PIK3C2G: variants seen among roughly 807,000 people sequenced by gnomAD.
PIK3C2G encodes phosphatidylinositol 3-kinase C2 domain-containing subunit gamma.
PIK3C2G carries 168 observed loss-of-function variants against 181.1 expected under a neutral mutation model. That is an observed-to-expected ratio of 0.93 (90% CI 0.82 to 1.05). The LOEUF (loss-of-function observed/expected upper bound fraction) is 1.05. Ranked by LOEUF, PIK3C2G falls within the 50% of genes least tolerant of loss-of-function variation. The probability of loss-of-function intolerance (pLI) is 0.00; values close to 1 mark genes in which losing one functional copy is unlikely to be tolerated. For synonymous variants in PIK3C2G, 573 were observed against 592.2 expected, an observed-to-expected ratio of 0.97 and a Z score of 0.47; for missense variants, 1,869 against 1,732.8, an observed-to-expected ratio of 1.08 and a Z score of -1.40.
At position 18,451,956 on chromosome 12, in the gene PIK3C2G, T is replaced by G. The variant is rs1271745782; in HGVS notation, c.2504+27917T>G. Among the ~76,000 whole-genome samples the G allele has an allele frequency of 2.0e-5, 3 of 152,362 alleles. No homozygotes were observed. In the East Asian group the frequency reaches 5.8e-4, roughly 29 times the overall value. On this transcript the variant is annotated intron_variant, in intron 18 of 32. Transcript: ENST00000538779. Reference sequence around the variant, plus strand: ...GTAGTGGATAAGCTTTTTGATGTGCTGCTGGATTTGGTTTGCCAGTATTCT... The same window carrying G: ...GTAGTGGATAAGCTTTTTGATGTGCGGCTGGATTTGGTTTGCCAGTATTCT...
At chr12:18,607,394 C>T (rs934418153) in intron 30 of PIK3C2G, among the ~76,000 whole-genome samples, 32 of 152,110 alleles carry the variant, frequency 2.1e-4, no homozygotes, top group Non-Finnish European at 2.1e-4. Context: ...GAAATAATGC[C>T]GCTTATCTAC....
At chr12:18,421,575 C>T (rs962141051) in intron 17 of PIK3C2G, among the ~76,000 whole-genome samples, 2 of 151,876 alleles carry the variant, frequency 1.3e-5, no homozygotes, top group African/African-American at 4.8e-5. Flanking sequence ...CTGATTTAGT[C>T]TGAATACGAT....
chr12:18,356,958 G>A (rs1940797679), intron 11 of PIK3C2G, among the ~76,000 whole-genome samples: 1 of 152,080 alleles, frequency 6.6e-6, no homozygotes, highest in Non-Finnish European at 1.5e-5. Context: ...GCCCAGGCTT[G>A]AGGGTGAGGC....
chr12:18,612,367 C>T (rs893836269), intron 31 of PIK3C2G, among the ~76,000 whole-genome samples: 5 of 152,080 alleles, frequency 3.3e-5, no homozygotes, highest in Admixed American at 6.6e-5. Flanking sequence ...TCACTTTTAA[C>T]CTTTCTTTTC....
At chr12:18,545,823 T>C (rs1430009617) in intron 25 of PIK3C2G, among the ~76,000 whole-genome samples, 5 of 151,976 alleles carry the variant, frequency 3.3e-5, no homozygotes, top group African/African-American at 4.8e-5. Flanking sequence ...CCTGGACATA[T>C]CACTTACAGT....
chr12:18,245,273 C>A (rs182413260), upstream of PIK3C2G, among the ~76,000 whole-genome samples: 171 of 152,132 alleles, frequency 1.1e-3, no homozygotes, highest in African/African-American at 4.0e-3. Flanking sequence ...CTCTCATTTC[C>A]AGTGAATTCC....
chr12:18,282,177 T>G lies in PIK3C2G; in HGVS notation c.96T>G (p.Ser32=), dbSNP rs1191701345. Reference sequence around the variant, plus strand: ...TTCTCTTTGTAAATCAACCCCATTCTTCTAGCCAAGTCAGTCTGGGTTTTG... The same window carrying G: ...TTCTCTTTGTAAATCAACCCCATTCGTCTAGCCAAGTCAGTCTGGGTTTTG... ...QEFLFVNQPH[S]SSQVSLGFDQ... is the part of the protein sequence containing the mutation. Residue 32 remains serine, a synonymous_variant, in exon 2 of 33, where the codon TCT becomes TCG. Coordinates refer to ENST00000538779, the MANE Select transcript of PIK3C2G (RefSeq NM_001288772.2). 1 of 1,612,456 alleles carries G rather than the reference T, an allele frequency of 6.2e-7. No homozygotes were observed. The highest frequency in any genetic ancestry group is 2.2e-5 in the East Asian group (1 of 44,812).
intron 1 of PIK3C2G, among the ~76,000 whole-genome samples, chr12:18,252,585 G>A: frequency 6.6e-6 from 1 of 152,174 alleles, no homozygotes; most frequent in East Asian, 1.9e-4. Context: ...TGAAGAAGTG[G>A]CTAGTCGTGC....
intron 30 of PIK3C2G, among the ~76,000 whole-genome samples, chr12:18,607,826 C>T (rs1424540050): frequency 6.6e-6 from 1 of 152,122 alleles, no homozygotes; most frequent in East Asian, 1.9e-4. Flanking sequence ...TATCCAGAAT[C>T]TACAATGAAC....
chr12:18,251,449 T>C lies in PIK3C2G; in HGVS notation c.-79+3367T>C, dbSNP rs150196455. Among the ~76,000 whole-genome samples, 9 of 152,120 alleles carry C rather than the reference T, an allele frequency of 5.9e-5. No individual in the cohort carries two copies. The East Asian group carries it at 1.5e-3, about 26-fold the overall frequency. On this transcript the variant is annotated intron_variant, in intron 1 of 11. Transcript: ENST00000535651. ...TGCATCTCTAGTAAAACTCTAAGCA[T>C]GTGATAACAGTAGACAATGACTAGA... is the stretch of plus-strand genomic sequence containing the variant.
intron 30 of PIK3C2G, among the ~76,000 whole-genome samples, chr12:18,601,758 A>G (rs765533807): frequency 6.6e-6 from 1 of 152,186 alleles, no homozygotes; most frequent in South Asian, 2.1e-4. Context: ...AACAACAAAA[A>G]ACGTCCAAAT....
rs562957232 is a variant in PIK3C2G at position 18,504,692 on chromosome 12, A to G, written c.3154-600A>G. ...TTGGAAAGAAACATCTGCTCATTAG[A>G]GAAACATAAACACAAATTGACTTAA... On this transcript the variant is annotated intron_variant, in intron 23 of 32. Transcript: ENST00000538779. 3.3e-5 allele frequency among the ~76,000 whole-genome samples: 5 copies of G among 152,358 alleles called. No individual in the cohort carries two copies. In the East Asian group the frequency reaches 9.7e-4, roughly 29 times the overall value.
intron 31 of PIK3C2G, among the ~76,000 whole-genome samples, chr12:18,633,014 A>G (rs1949416853): frequency 6.6e-6 from 1 of 152,190 alleles, no homozygotes; most frequent in South Asian, 2.1e-4. Context: ...CCACTCATAT[A>G]TATCTCCTTA....
chr12:18,343,372 A>T lies in PIK3C2G; in HGVS notation c.1429+12A>T, dbSNP rs773272422. 21 of 1,282,766 alleles carry T rather than the reference A, an allele frequency of 1.6e-5. No homozygotes were observed. The Admixed American group carries it at 4.3e-4, about 26-fold the overall frequency. 79.5% of individuals were successfully genotyped at this position (1,282,766 alleles called of 1,614,324 possible). A position where few individuals can be genotyped will look rare whatever the true frequency, so the allele number is the denominator to read the frequency against. ...GACTTCAGCAAAAGGTAAAACATAC[A>T]TGTACTCAAGTATTTTGAAATAAAG... On this transcript the variant is annotated intron_variant, in intron 10 of 32. Transcript: ENST00000538779.
At chr12:18,634,479 TATTTATTCCA>T (rs1949501788) in intron 31 of PIK3C2G, among the ~76,000 whole-genome samples, 2 of 152,200 alleles carry the variant, frequency 1.3e-5, no homozygotes, top group Admixed American at 1.3e-4. Flanking sequence ...ATTTTCACAG[TATTTATTCCA>T]GTAAGAAGAA....
At chr12:18,255,700 G>C (rs1948139424) in intron 1 of PIK3C2G, among the ~76,000 whole-genome samples, 1 of 152,166 alleles carries the variant, frequency 6.6e-6, no homozygotes, top group African/African-American at 2.4e-5. Context: ...CTAGTTGAAA[G>C]AAAGGCTTGA....
chr12:18,705,412 T>G, the PIK3C2G span: 1 of 1,425,604 alleles, frequency 7.0e-7, no homozygotes, highest in South Asian at 1.2e-5. Context: ...AACTTACTTC[T>G]AACGTTTAGT....
chr12:18,316,345 T>C (rs909446635), intron 6 of PIK3C2G, among the ~76,000 whole-genome samples: 21 of 152,170 alleles, frequency 1.4e-4, no homozygotes, highest in Admixed American at 1.4e-3. Flanking sequence ...GGTGAGATAA[T>C]CATATTGCTG....
Position 18,538,256 on chromosome 12 carries a change from C to A in PIK3C2G, c.3424C>A (p.Arg1142Ser). 1 of 1,612,022 alleles carries A rather than the reference C, an allele frequency of 6.2e-7. No individual in the cohort carries two copies. The highest frequency in any genetic ancestry group is 8.5e-7 in the Non-Finnish European group (1 of 1,178,842). ...TCAAGATTTTGTGGAACTTTGCTGT[C>A]GTGCTTATAATATTATCAGAAAGCA... ...HFQDFVELCC[R>S]AYNIIRKHSQ... Residue 1142 changes from arginine to serine, a missense_variant, in exon 25 of 33, where the codon CGT becomes AGT. Coordinates refer to ENST00000538779, the MANE Select transcript of PIK3C2G (RefSeq NM_001288772.2).
Sources: gnomAD v4.1 joint callset for allele counts (sites outside exome capture counted in the v4.1 genomes callset) on GRCh38, gnomAD v4.1.1 for gene constraint, MANE v1.5 for transcripts, NCBI Gene and HGNC (gene_info 2026-07-23, HGNC 2026-07-21) for gene names.